The following PCDH7 variants were observed in gnomAD, a reference collection of about 807,000 sequenced individuals.
The protein encoded by PCDH7 is protocadherin-7.
A neutral mutation model predicts 58.9 loss-of-function variants in PCDH7; 17 were observed. The ratio of observed to expected loss-of-function variants is 0.29; its 90% CI spans 0.20 to 0.43. PCDH7 has a LOEUF of 0.43. PCDH7 is among the 20% of genes least tolerant of loss of function. The pLI, the probability that PCDH7 is intolerant of heterozygous loss-of-function variation, is 1.00. For synonymous variants in PCDH7, 664 were observed against 616.4 expected (o/e 1.08, Z -1.14); for missense variants, 1,274 against 1,441.0 (o/e 0.88, Z 1.88).
intron 3 of PCDH7, among the ~76,000 whole-genome samples, chr4:31,106,335 A>T (rs1480367202): frequency 6.6e-6 from 1 of 152,178 alleles, no homozygotes; most frequent in Non-Finnish European, 1.5e-5. Context: ...AAATTTCCTG[A>T]CAATACAAAA....
At chr4:30,725,000 A>G (rs930669575) in intron 1 of PCDH7, 1 of 1,016,336 alleles carries the variant, frequency 9.8e-7, no homozygotes, top group Non-Finnish European at 1.2e-6. Flanking sequence ...AAAAGTTTCT[A>G]AAGTTACTAC....
chr4:31,073,382 G>A (rs1250618988), intron 3 of PCDH7, among the ~76,000 whole-genome samples: 1 of 152,108 alleles, frequency 6.6e-6, no homozygotes, highest in South Asian at 2.1e-4. Context: ...ACCAAGTAGA[G>A]ATTATAATGT....
At chr4:30,843,200 ATTAT>A (rs915556157) in intron 1 of PCDH7, among the ~76,000 whole-genome samples, 1 of 150,670 alleles carries the variant, frequency 6.6e-6, no homozygotes, top group Non-Finnish European at 1.5e-5. Context: ...ATAGAACTTT[ATTAT>A]TTATTTATTT....
chr4:30,796,258 CT>C (rs1724758169), intron 1 of PCDH7, among the ~76,000 whole-genome samples: 2 of 152,134 alleles, frequency 1.3e-5, no homozygotes, highest in African/African-American at 2.4e-5. Context: ...ACAGTTGGAT[CT>C]TTAGATTGAC....
At chr4:31,077,810 G>T (rs1759132288) in intron 3 of PCDH7, among the ~76,000 whole-genome samples, 1 of 152,126 alleles carries the variant, frequency 6.6e-6, no homozygotes, top group African/African-American at 2.4e-5. Flanking sequence ...TGGAGAATTT[G>T]ATATATGACT....
intron 2 of PCDH7, among the ~76,000 whole-genome samples, chr4:30,922,138 T>C (rs1743259883): frequency 6.6e-6 from 1 of 151,508 alleles, no homozygotes; most frequent in South Asian, 2.1e-4. Flanking sequence ...GTGTGATATA[T>C]GTAATATATA....
intron 3 of PCDH7, among the ~76,000 whole-genome samples, chr4:31,047,573 A>T (rs760223765): frequency 6.6e-6 from 1 of 152,088 alleles, no homozygotes; most frequent in East Asian, 1.9e-4. Flanking sequence ...ACTCATTTGT[A>T]TCTTAAGAGA....
intron 3 of PCDH7, among the ~76,000 whole-genome samples, chr4:31,037,212 G>T (rs976167545): frequency 4.6e-5 from 7 of 152,032 alleles, no homozygotes; most frequent in Non-Finnish European, 8.8e-5. Flanking sequence ...TCTCTGCCTT[G>T]TTCTCTATCC....
At chr4:30,812,938 T>C (rs914893769) in intron 1 of PCDH7, among the ~76,000 whole-genome samples, 2 of 152,202 alleles carry the variant, frequency 1.3e-5, no homozygotes, top group Non-Finnish European at 2.9e-5. Context: ...GAAGGCAACA[T>C]AATTCTAAGC....
chr4:30,888,880 A>C (rs1227297051), intron 1 of PCDH7, among the ~76,000 whole-genome samples: 1 of 151,784 alleles, frequency 6.6e-6, no homozygotes, highest in Non-Finnish European at 1.5e-5. Flanking sequence ...GTTTGTTAAT[A>C]ATATATATAT....
At chr4:31,121,597 T>G (rs1717699649) in intron 3 of PCDH7, among the ~76,000 whole-genome samples, 1 of 152,202 alleles carries the variant, frequency 6.6e-6, no homozygotes, top group Non-Finnish European at 1.5e-5. Context: ...AAAATATGAT[T>G]ACTAGTTGAG....
chr4:30,941,858 C>T (rs1746076569), intron 2 of PCDH7, among the ~76,000 whole-genome samples: 2 of 151,740 alleles, frequency 1.3e-5, no homozygotes, highest in Admixed American at 6.6e-5. Flanking sequence ...TGGATATAAC[C>T]TTTGCTCTCA....
chr4:30,771,973 C>T (rs1249304577), intron 1 of PCDH7, among the ~76,000 whole-genome samples: 3 of 151,964 alleles, frequency 2.0e-5, no homozygotes, highest in South Asian at 2.1e-4. Context: ...AGGGTTCAAG[C>T]GATTCTCGTG....
chr4:30,797,262 G>T (rs901094985), intron 1 of PCDH7, among the ~76,000 whole-genome samples: 1 of 150,220 alleles, frequency 6.7e-6, no homozygotes, highest in Admixed American at 6.6e-5. Flanking sequence ...TGTTTTGTTT[G>T]GTTTTGTTTG....
intron 1 of PCDH7, among the ~76,000 whole-genome samples, chr4:30,835,020 T>A (rs930834318): frequency 6.6e-6 from 1 of 152,006 alleles, no homozygotes; most frequent in Non-Finnish European, 1.5e-5. Context: ...GAGCCATATA[T>A]AATAATAAAC....
chr4:30,814,928 G>A (rs574558684), intron 1 of PCDH7, among the ~76,000 whole-genome samples: 6 of 151,988 alleles, frequency 3.9e-5, no homozygotes, highest in African/African-American at 7.2e-5. Context: ...TATGTTTGAC[G>A]TGATGGGAAT....
intron 3 of PCDH7, among the ~76,000 whole-genome samples, chr4:31,113,826 CCTTT>C (rs1716640944): frequency 1.4e-5 from 2 of 143,434 alleles, no homozygotes; most frequent in Admixed American, 7.2e-5. Flanking sequence ...TAAAAGTTAA[CCTTT>C]CTTTTTTTTT....
At chr4:30,739,456 C>A (rs1716789999) in intron 1 of PCDH7, among the ~76,000 whole-genome samples, 1 of 147,968 alleles carries the variant, frequency 6.8e-6, no homozygotes, top group African/African-American at 2.7e-5. Flanking sequence ...TTTTAAATTG[C>A]ATCTAAATCT....
At chr4:30,948,628 T>A (rs1003018473) in intron 2 of PCDH7, among the ~76,000 whole-genome samples, 16 of 152,166 alleles carry the variant, frequency 1.1e-4, no homozygotes, top group Non-Finnish European at 5.9e-5. Flanking sequence ...AAAAAGTATA[T>A]GCTCAATAAT....
Sources: allele counts gnomAD v4.1 joint callset (sites outside exome capture counted in the v4.1 genomes callset), GRCh38; gene constraint gnomAD v4.1.1; transcripts MANE v1.5; gene names NCBI Gene and HGNC (gene_info 2026-07-23, HGNC 2026-07-21).